PODNL1: variants seen among roughly 807,000 people sequenced by gnomAD.
PODNL1 encodes the protein podocan-like protein 1.
PODNL1 carries 50 observed loss-of-function variants against 45.1 expected under a neutral mutation model. The observed-to-expected ratio is 1.11, with a 90% CI of 0.88 to 1.40. PODNL1 has a LOEUF of 1.40. Ranked by LOEUF, PODNL1 falls within the 40% of genes most tolerant of loss-of-function variation. The probability of loss-of-function intolerance (pLI) is 0.00; values close to 1 mark genes in which losing one functional copy is unlikely to be tolerated. For synonymous variants in PODNL1, 406 were observed against 372.5 expected, an observed-to-expected ratio of 1.09 and a Z score of -1.04; for missense variants, 788 against 793.3, an observed-to-expected ratio of 0.99 and a Z score of 0.08.
At chr19:13,950,420 T>C (rs1296092742) in intron 1 of PODNL1, among the ~76,000 whole-genome samples, 1 of 152,152 alleles carries the variant, frequency 6.6e-6, no homozygotes, top group Non-Finnish European at 1.5e-5. Context: ...TCCTCCCTCC[T>C]CTGCTTCCCA....
chr19:13,933,345 CG>C lies in PODNL1; in HGVS notation c.877del (p.Arg293GlyfsTer85). ...AILHLGRNRI[R>X]QVEAARLHGA... ...GTGCAGCCGAGCCGCCTCCACCTGC[CG>C]GATGCGGTTGCGGCCCAGGTGCAGG... On this transcript the variant is annotated frameshift_variant, in exon 8 of 10. Transcript: ENST00000588872. LOFTEE classifies it high-confidence loss of function. This position sits in a 1 kb window ranked among gnomAD's most constrained non-coding sequence, Gnocchi z 5.2. The C allele has an allele frequency of 6.2e-7, 1 of 1,606,184 alleles. No homozygotes were observed. The highest frequency in any genetic ancestry group is 8.5e-7 in the Non-Finnish European group (1 of 1,178,808).
intron 1 of PODNL1, among the ~76,000 whole-genome samples, chr19:13,945,213 A>C (rs1972775332): frequency 6.6e-6 from 1 of 152,130 alleles, no homozygotes; most frequent in Non-Finnish European, 1.5e-5. Context: ...TGTTGAATTA[A>C]ATAGCAAAAA....
intron 5 of PODNL1, among the ~76,000 whole-genome samples, chr19:13,934,630 C>T (rs559268990): frequency 9.9e-5 from 15 of 150,994 alleles, no homozygotes; most frequent in Admixed American, 5.3e-4. Flanking sequence ...TATGAATAGA[C>T]GTGTGTGCAT....
At chr19:13,938,527 C>T, upstream of PODNL1, 1 of 1,108,146 alleles carries the variant, frequency 9.0e-7, no homozygotes, top group Non-Finnish European at 1.1e-6. Context: ...GAGATTCGTC[C>T]TGTCTGGTAT....
upstream of PODNL1, among the ~76,000 whole-genome samples, chr19:13,941,056 GAATA>G (rs1403383985): frequency 1.3e-5 from 2 of 151,440 alleles, no homozygotes; most frequent in African/African-American, 4.9e-5. Flanking sequence ...AAAAATGAAT[GAATA>G]AATAAAAATA....
At chr19:13,935,396 G>C (rs115591197) in intron 5 of PODNL1, among the ~76,000 whole-genome samples, 20 of 152,180 alleles carry the variant, frequency 1.3e-4, no homozygotes, top group Admixed American at 9.2e-4. Flanking sequence ...GCACGATTTC[G>C]TCTCACTGCA....
In PODNL1 at chr19:13,932,683, T is replaced by C. The variant is rs758164123; in HGVS notation, c.1425+115A>G. ...CTCATCACCTTCTAACCCACTCTTA[T>C]CATTTTCTTGTTCTGATTGCTTTAC... On this transcript the variant is annotated intron_variant, in intron 8 of 9. Transcript: ENST00000588872. 1.0e-5 allele frequency: 16 copies of C among 1,588,244 alleles called. No individual in the cohort carries two copies. The Admixed American group carries it at 1.0e-4, about 10-fold the overall frequency.
chr19:13,947,100 C>T (rs1206031444), intron 1 of PODNL1, among the ~76,000 whole-genome samples: 3 of 132,388 alleles, frequency 2.3e-5, no homozygotes, highest in Non-Finnish European at 3.1e-5. Context: ...TTGTTGTAGG[C>T]GGAGGTTTCA....
chr19:13,937,665 G>A (rs1234862393), intron 2 of PODNL1, 120 bp downstream of exon 2: 15 of 913,528 alleles, frequency 1.6e-5, no homozygotes, highest in East Asian at 8.0e-5. Context: ...GCTCTGCACC[G>A]CCCTCCTGCA....
rs371140981 is a variant in PODNL1 at position 13,932,826 on chromosome 19, C to T, written c.1397G>A (p.Gly466Asp). ...GAGGGCTTGGAGCTCATGCCAGGTGCCTGGCCCGATGTCGCCGACCCGGAG... is the reference window on the plus strand; with the variant it reads ...GAGGGCTTGGAGCTCATGCCAGGTGTCTGGCCCGATGTCGCCGACCCGGAG... ...NRLRVGDIGP[G>D]TWHELQALQM... Residue 466 changes from glycine (G) to aspartate (D), a missense_variant, in exon 8 of 10, where the codon GGC (glycine) becomes GAC (aspartate). By Grantham distance (94) the Gly-to-Asp change is moderately conservative. Around this residue, in one of 3 missense-constraint regions of PODNL1, gnomAD observed 762 missense variants for 750.9 expected, o/e 1.01. Transcript: ENST00000588872. 3.7e-6 allele frequency: 6 copies of T among 1,612,796 alleles called. No individual in the cohort carries two copies. Among genetic ancestry groups the T allele is most frequent in the South Asian group, 3.3e-5 (3 of 91,086 alleles).
chr19:13,942,039 A>G (rs980717967), upstream of PODNL1, among the ~76,000 whole-genome samples: 5 of 152,118 alleles, frequency 3.3e-5, no homozygotes, highest in Non-Finnish European at 7.4e-5. Context: ...CAGCAGTGTA[A>G]TGGGGCTAAC....
intron 1 of PODNL1, among the ~76,000 whole-genome samples, chr19:13,947,433 A>G (rs1386565773): frequency 6.6e-6 from 1 of 151,634 alleles, no homozygotes; most frequent in Admixed American, 6.6e-5. Flanking sequence ...GTGAGCTGAG[A>G]TCGCACCATT....
chr19:13,938,440 A>C, upstream of PODNL1: 2 of 1,275,628 alleles, frequency 1.6e-6, no homozygotes, highest in Non-Finnish European at 2.0e-6. Flanking sequence ...CCCCCCAACA[A>C]CCACCCCATC....
At position 13,937,915 on chromosome 19, in the gene PODNL1, A is replaced by G. The variant is rs138002759; in HGVS notation, c.95T>C (p.Leu32Ser). 4,092 of 1,559,798 alleles carry G rather than the reference A, an allele frequency of 2.6e-3. 33 individuals carry two copies. The highest frequency in any genetic ancestry group is 0.017 in the Middle Eastern group (99 of 5,992). ...GGGACAGGCCCGGGGCAGGGGCTGC[A>G]AGCTCTCCCCCAGGTGGGGGAAGGC... ...DAAFPHLGES[L>S]QPLPRACPLR... is the part of the protein sequence containing the mutation. The change falls in exon 2 of 10, where the codon TTG becomes TCG. Residue 32 changes from leucine (L) to serine (S), a missense_variant. Leu to Ser is a moderately radical substitution (Grantham distance 145). Coordinates refer to ENST00000588872, the MANE Select transcript of PODNL1 (RefSeq NM_001370095.3).
chr19:13,938,013 G>A lies in PODNL1; in HGVS notation c.4-7C>T, dbSNP rs888872774. ...GCAGCAGCAGGCTCGGCCACTGCGGGGGAGGGAGGGTCAGCGTGTCTCCAG... is the reference window on the plus strand; with the variant it reads ...GCAGCAGCAGGCTCGGCCACTGCGGAGGAGGGAGGGTCAGCGTGTCTCCAG... On this transcript the variant is annotated splice_polypyrimidine_tract_variant and splice_region_variant and intron_variant, in intron 1 of 9. Transcript: ENST00000588872. 12 of 1,509,260 alleles carry A rather than the reference G, an allele frequency of 8.0e-6. No individual in the cohort carries two copies. In the African/African-American group the frequency reaches 1.2e-4, roughly 16 times the overall value. The allele number at this position is 1,509,260 out of a possible 1,614,324, so 93.5% of individuals were successfully genotyped here.
intron 5 of PODNL1, 71 bp from the exon 6 acceptor site, chr19:13,934,481 T>G: frequency 3.6e-6 from 5 of 1,397,646 alleles, no homozygotes; most frequent in Non-Finnish European, 4.7e-6. Flanking sequence ...CACCACACCC[T>G]GCTCAGGGTC....
At position 13,936,000 on chromosome 19, in the gene PODNL1, G is replaced by A; in HGVS notation, c.364C>T (p.Leu122Phe). The A allele has an allele frequency of 2.6e-6, 4 of 1,552,882 alleles. No homozygotes were observed. The highest frequency in any genetic ancestry group is 3.5e-6 in the Non-Finnish European group (4 of 1,148,918). ...AFESLTQLQH[L>F]CVAHNKLSVA... The stretch of plus-strand genomic sequence containing the variant: ...CTCACCTTGTTGTGAGCCACGCAGA[G>A]GTGCTGCAGCTGGGTGAGGGACTCG... Residue 122 changes from leucine (L) to phenylalanine (F), a missense_variant, in exon 4 of 10, where the codon CTC (leucine) becomes TTC (phenylalanine). This residue lies in a region of PODNL1 where 762 missense variants were observed against 750.9 expected (regional missense o/e 1.01). Coordinates refer to ENST00000588872, the MANE Select transcript of PODNL1 (RefSeq NM_001370095.3).
rs1972522571 is a variant in PODNL1 at position 13,938,352 on chromosome 19, AC to A, written c.-172del. On this transcript the variant is annotated 5_prime_UTR_variant, in exon 1 of 10. Coordinates refer to ENST00000588872, the MANE Select transcript of PODNL1 (RefSeq NM_001370095.3). ...CCCGGGGCTTTGGGGGAGCTGGCCC[AC>A]CCCCTTCCCCGCCCTGGGGAGGACG... is the stretch of plus-strand genomic sequence containing the variant. The A allele has an allele frequency of 7.1e-7, 1 of 1,404,114 alleles. No homozygotes were observed. Among genetic ancestry groups the A allele is most frequent in the Non-Finnish European group, 9.3e-7 (1 of 1,076,842 alleles). 87.0% of individuals were successfully genotyped at this position (1,404,114 alleles called of 1,614,324 possible). A position where few individuals can be genotyped will look rare whatever the true frequency, so the allele number is the denominator to read the frequency against.
Position 13,932,107 on chromosome 19 carries a change from C to T in PODNL1, c.1431G>A (p.Leu477=). The part of the protein sequence containing the change: ...TWHELQALQM[L]DLSHNELSFV... ...AGGACAGCTCATTGTGGCTGAGGTCCAGCATCTGGGCAGGGGGTTATAGAT... is the reference window on the plus strand; with the variant it reads ...AGGACAGCTCATTGTGGCTGAGGTCTAGCATCTGGGCAGGGGGTTATAGAT... Residue 477 remains leucine (L), a synonymous_variant, in exon 9 of 10, where the codon CTG becomes CTA. Transcript: ENST00000588872. 5.7e-6 allele frequency: 7 copies of T among 1,233,410 alleles called. No homozygotes were observed. Among genetic ancestry groups the T allele is most frequent in the Non-Finnish European group, 6.1e-6 (6 of 988,962 alleles). 76.4% of individuals were successfully genotyped at this position (1,233,410 alleles called of 1,614,324 possible). A position where few individuals can be genotyped will look rare whatever the true frequency, so the allele number is the denominator to read the frequency against.
Sources: gnomAD v4.1 joint callset for allele counts (sites outside exome capture counted in the v4.1 genomes callset) on GRCh38, gnomAD v4.1.1 for gene constraint, gnomAD v4.1.1 regional missense constraint, Gnocchi (gnomAD v3.1) non-coding constraint, MANE v1.5 for transcripts, NCBI Gene and HGNC (gene_info 2026-07-23, HGNC 2026-07-21) for gene names.